Variants in TRHDE observed in about 807,000 individuals in gnomAD.
The protein encoded by TRHDE is thyrotropin releasing hormone degrading enzyme.
Under a neutral mutation model 125.7 loss-of-function variants are expected in TRHDE, and 72 were observed. That is an observed-to-expected ratio of 0.57 (90% CI 0.47 to 0.70). The LOEUF is 0.70. Ranked by LOEUF, TRHDE falls within the 30% of genes least tolerant of loss-of-function variation. The pLI is 0.00. For missense variants in TRHDE, 1,110 were observed against 1,327.1 expected (o/e 0.84, Z 2.54); for synonymous variants, 509 against 509.1 (o/e 1.00, Z 0.00).
At chr12:72,322,712 T>C (rs1044191495) in intron 2 of TRHDE, among the ~76,000 whole-genome samples, 6 of 152,156 alleles carry the variant, frequency 3.9e-5, no homozygotes, top group African/African-American at 1.2e-4. Flanking sequence ...AGATGATTGA[T>C]TGATTTTCAA....
In TRHDE at chr12:72,585,751, A is replaced by G. The variant is rs140470519; in HGVS notation, c.2321+10209A>G. ...GTAGACAAAGACTACTGAAAAATTA[A>G]ACTGAATCCTTCTGGCATTTGTCCT... On this transcript the variant is annotated intron_variant, in intron 12 of 18. Coordinates refer to ENST00000261180, the MANE Select transcript of TRHDE (RefSeq NM_013381.3). Among the ~76,000 whole-genome samples the G allele has an allele frequency of 2.2e-3, 329 of 152,334 alleles. 2 individuals carry two copies. The highest frequency in any genetic ancestry group is 7.4e-3 in the African/African-American group (307 of 41,576).
intron 3 of TRHDE, among the ~76,000 whole-genome samples, chr12:72,457,516 C>A (rs1875915187): frequency 6.6e-6 from 1 of 151,786 alleles, no homozygotes; most frequent in African/African-American, 2.4e-5. Flanking sequence ...CTACGCACTG[C>A]AATAAGTGAT....
intron 3 of TRHDE, among the ~76,000 whole-genome samples, chr12:72,408,444 A>C (rs1018578544): frequency 1.3e-5 from 2 of 152,200 alleles, no homozygotes; most frequent in Non-Finnish European, 2.9e-5. Flanking sequence ...AGGTATTTTC[A>C]TCTTTATCCT....
chr12:72,121,043 A>G (rs991321125), intron 2 of TRHDE, among the ~76,000 whole-genome samples: 3 of 151,776 alleles, frequency 2.0e-5, no homozygotes, highest in African/African-American at 7.3e-5. Context: ...AAAGTTGTAG[A>G]TATAATTTTT....
intron 3 of TRHDE, among the ~76,000 whole-genome samples, chr12:72,430,425 A>G (rs1275613065): frequency 1.4e-5 from 2 of 147,694 alleles, no homozygotes; most frequent in Non-Finnish European, 1.5e-5. Flanking sequence ...ATATATATAC[A>G]TGTATATATA....
intron 2 of TRHDE, among the ~76,000 whole-genome samples, chr12:72,157,129 T>C (rs1044762336): frequency 3.3e-5 from 5 of 152,068 alleles, no homozygotes; most frequent in South Asian, 2.1e-4. Flanking sequence ...TTTTCTTTTT[T>C]TTTTTTTGAG....
intron 2 of TRHDE, among the ~76,000 whole-genome samples, chr12:72,288,870 A>G (rs917122075): frequency 6.6e-5 from 10 of 152,162 alleles, no homozygotes; most frequent in African/African-American, 2.4e-4. Flanking sequence ...AGAAATGATA[A>G]AACATGCTAC....
intron 7 of TRHDE, among the ~76,000 whole-genome samples, chr12:72,547,221 A>T (rs1869461388): frequency 6.6e-6 from 1 of 151,280 alleles, no homozygotes; most frequent in Admixed American, 6.6e-5. Flanking sequence ...TTAATATTGT[A>T]TTAAGACCAT....
chr12:72,666,668 C>T lies in TRHDE; in HGVS notation c.*3473C>T, dbSNP rs1201715689. ...AAATATATGTTGAAAATATCTCTAT[C>T]GATTGCATTAATTGGAGATTTTCCA... is the stretch of plus-strand genomic sequence containing the variant. On this transcript the variant is annotated 3_prime_UTR_variant, in exon 19 of 19. Transcript: ENST00000261180. The T allele has an allele frequency of 2.0e-5, 3 of 152,018 alleles. No individual in the cohort carries two copies. Among genetic ancestry groups the T allele is most frequent in the East Asian group, 3.9e-4 (2 of 5,172 alleles). The allele number at this position is 152,018 out of a possible 1,614,324, so 9.4% of individuals were successfully genotyped here.
chr12:72,512,426 T>TA (rs1565772015), intron 6 of TRHDE, among the ~76,000 whole-genome samples: 16 of 106,850 alleles, frequency 1.5e-4, no homozygotes, highest in Admixed American at 6.3e-4. Context: ...ATATAATATA[T>TA]ATTATATAAT....
At chr12:72,530,542 GT>G (rs1216430795) in intron 6 of TRHDE, among the ~76,000 whole-genome samples, 1,494 of 110,670 alleles carry the variant, frequency 0.013, 23 homozygotes, top group African/African-American at 0.046. Flanking sequence ...TATTCTTCAG[GT>G]TTTTTTTTTT....
chr12:72,465,706 G>A (rs1876339858), intron 3 of TRHDE, among the ~76,000 whole-genome samples: 1 of 151,928 alleles, frequency 6.6e-6, no homozygotes, highest in African/African-American at 2.4e-5. Context: ...ATATATGCTT[G>A]ATATAGGTGC....
chr12:72,456,128 TACACACAC>T (rs58045175), intron 3 of TRHDE, among the ~76,000 whole-genome samples: 7,336 of 134,754 alleles, frequency 0.054, 243 homozygotes, highest in East Asian at 0.12. Flanking sequence ...AATATGTAAT[TACACACAC>T]ACACACACAC....
In TRHDE at chr12:72,143,579, G is replaced by T. The variant is rs112036133; in HGVS notation, n.279+37827G>T. Among the ~76,000 whole-genome samples, 876 of 152,112 alleles carry T rather than the reference G, an allele frequency of 5.8e-3. 6 individuals carry two copies. Among genetic ancestry groups the T allele is most frequent in the African/African-American group, 0.02 (815 of 41,484 alleles). On this transcript the variant is annotated intron_variant and non_coding_transcript_variant, in intron 2 of 4. Coordinates refer to the TRHDE transcript ENST00000548156. Reference sequence around the variant, plus strand: ...TATGAGGATGTCTCTGGCATGCTGAGAATTCTTTACCTGCATTTCCCATAT... The same window carrying T: ...TATGAGGATGTCTCTGGCATGCTGATAATTCTTTACCTGCATTTCCCATAT...
chr12:72,160,338 C>T (rs1876607300), intron 2 of TRHDE, among the ~76,000 whole-genome samples: 1 of 152,156 alleles, frequency 6.6e-6, no homozygotes, highest in Admixed American at 6.5e-5. Context: ...AAGCCCCCAT[C>T]CCAGGTATCT....
intron 3 of TRHDE, among the ~76,000 whole-genome samples, chr12:72,385,677 A>T (rs1872380195): frequency 1.3e-5 from 2 of 152,170 alleles, no homozygotes; most frequent in African/African-American, 4.8e-5. Context: ...AAGGCCTTTT[A>T]TCCCTTCATT....
intron 2 of TRHDE, among the ~76,000 whole-genome samples, chr12:72,222,699 T>C (rs567552716): frequency 3.9e-5 from 6 of 152,262 alleles, no homozygotes; most frequent in Admixed American, 2.6e-4. Context: ...GAGTAAGCAA[T>C]CCTTTTCCAT....
intron 2 of TRHDE, among the ~76,000 whole-genome samples, chr12:72,203,318 A>G (rs1474166465): frequency 6.6e-6 from 1 of 152,108 alleles, no homozygotes; most frequent in Non-Finnish European, 1.5e-5. Flanking sequence ...AAAACAAAAA[A>G]TTAGCCGCGC....
At chr12:72,478,922 CAAAAA>C (rs67346703) in intron 5 of TRHDE, among the ~76,000 whole-genome samples, 1 of 106,202 alleles carries the variant, frequency 9.4e-6, no homozygotes, top group African/African-American at 3.5e-5. Context: ...TTTTTTTTAG[CAAAAA>C]AAAAAAAAAA....
Sources: gnomAD v4.1 joint callset for allele counts (sites outside exome capture counted in the v4.1 genomes callset) on GRCh38, gnomAD v4.1.1 for gene constraint, MANE v1.5 for transcripts, NCBI Gene and HGNC (gene_info 2026-07-23, HGNC 2026-07-21) for gene names.